The following ROCK2 variants were observed in gnomAD, a reference collection of about 807,000 sequenced individuals.
ROCK2 encodes the protein rho-associated protein kinase 2.
ROCK2 carries 61 observed loss-of-function variants against 195.1 expected under a neutral mutation model. The ratio of observed to expected loss-of-function variants is 0.31; its 90% CI spans 0.25 to 0.39. The LOEUF (loss-of-function observed/expected upper bound fraction) is 0.39, where lower values mean the gene tolerates loss of function less well. ROCK2 is among the 10% of genes least tolerant of loss of function. The probability of loss-of-function intolerance (pLI) is 1.00; values close to 1 mark genes in which losing one functional copy is unlikely to be tolerated. For missense variants in ROCK2, 1,109 were observed against 1,637.4 expected (o/e 0.68, Z 5.57); for synonymous variants, 504 against 545.5 (o/e 0.92, Z 1.06).
At chr2:11,294,025 C>T (rs1667437217) in intron 1 of ROCK2, among the ~76,000 whole-genome samples, 1 of 151,946 alleles carries the variant, frequency 6.6e-6, no homozygotes, top group South Asian at 2.1e-4. Flanking sequence ...GGCATGGTGG[C>T]GGGCGCCTGT....
chr2:11,317,612 A>ATATATATTTTTTTTTT (rs59701503), intron 1 of ROCK2, among the ~76,000 whole-genome samples: 1 of 19,310 alleles, frequency 5.2e-5, no homozygotes, highest in Non-Finnish European at 1.0e-4. Flanking sequence ...ATATATATAT[A>ATATATATTTTTTTTTT]TTTTTTTTTT....
chr2:11,283,753 C>A (rs1172454710), intron 3 of ROCK2, among the ~76,000 whole-genome samples: 1 of 152,154 alleles, frequency 6.6e-6, no homozygotes, highest in East Asian at 1.9e-4. Context: ...ATAACAGCGA[C>A]AAGACCAAAT....
chr2:11,302,235 T>C (rs1314478757), intron 1 of ROCK2, among the ~76,000 whole-genome samples: 1 of 152,246 alleles, frequency 6.6e-6, no homozygotes, highest in Non-Finnish European at 1.5e-5. Flanking sequence ...ATTCTACTGC[T>C]GAGTAATCTT....
At chr2:11,251,634 G>C (rs1665833522) in intron 3 of ROCK2, among the ~76,000 whole-genome samples, 1 of 152,098 alleles carries the variant, frequency 6.6e-6, no homozygotes, top group African/African-American at 2.4e-5. Flanking sequence ...ACACCAAAAG[G>C]AATGGCAACA....
intron 1 of ROCK2, among the ~76,000 whole-genome samples, chr2:11,310,418 A>T (rs1667995612): frequency 6.6e-6 from 1 of 152,222 alleles, no homozygotes; most frequent in Non-Finnish European, 1.5e-5. Flanking sequence ...ATGGCTTAGA[A>T]TTGATGAAAG....
intron 20 of ROCK2, among the ~76,000 whole-genome samples, chr2:11,205,952 T>C (rs569632263): frequency 6.6e-6 from 1 of 152,050 alleles, no homozygotes; most frequent in East Asian, 1.9e-4. Flanking sequence ...CTACTAAAAA[T>C]ACAAAAATAA....
At position 11,219,046 on chromosome 2, in the gene ROCK2, A is replaced by G; in HGVS notation, c.1260-20T>C. 1 of 1,361,382 alleles carries G rather than the reference A, an allele frequency of 7.3e-7. No individual in the cohort carries two copies. 84.3% of individuals were successfully genotyped at this position (1,361,382 alleles called of 1,614,324 possible). On this transcript the variant is annotated intron_variant, in intron 9 of 32. Transcript: ENST00000315872. ...AATAATCTACATGGAAGGGGGGAGAAAATAAATTTTTTCATTTCATTTTAA... is the reference window on the plus strand; with the variant it reads ...AATAATCTACATGGAAGGGGGGAGAGAATAAATTTTTTCATTTCATTTTAA...
chr2:11,215,485 G>A (rs775264420), intron 14 of ROCK2, 25 bp downstream of exon 14: 10 of 1,608,096 alleles, frequency 6.2e-6, no homozygotes, highest in South Asian at 4.5e-5. Flanking sequence ...TTCTTGATGA[G>A]TAATTAATAT....
At chr2:11,217,504 AT>A (rs1664475118) in intron 11 of ROCK2, among the ~76,000 whole-genome samples, 1 of 152,218 alleles carries the variant, frequency 6.6e-6, no homozygotes, top group African/African-American at 2.4e-5. Flanking sequence ...TTTTCTATGA[AT>A]TATTTGCTTG....
chr2:11,207,693 T>C (rs780572236), intron 20 of ROCK2, 33 bp downstream of exon 20: 9 of 1,515,746 alleles, frequency 5.9e-6, no homozygotes, highest in Non-Finnish European at 8.1e-6. Flanking sequence ...TGGATAATTA[T>C]GCATATTAAA....
intron 1 of ROCK2, among the ~76,000 whole-genome samples, chr2:11,333,980 A>G (rs1398788598): frequency 1.3e-5 from 2 of 152,214 alleles, no homozygotes; most frequent in Non-Finnish European, 2.9e-5. Flanking sequence ...TTCCAAGACA[A>G]ACTGTTTCAC....
At chr2:11,331,230 CA>C (rs1373805426) in intron 1 of ROCK2, among the ~76,000 whole-genome samples, 1 of 152,124 alleles carries the variant, frequency 6.6e-6, no homozygotes, top group Non-Finnish European at 1.5e-5. Flanking sequence ...AGAGGATTCA[CA>C]CCTAAATACA....
chr2:11,336,247 A>C (rs1668924898), intron 1 of ROCK2, among the ~76,000 whole-genome samples: 1 of 152,156 alleles, frequency 6.6e-6, no homozygotes, highest in Non-Finnish European at 1.5e-5. Flanking sequence ...GATAAAACTA[A>C]AAAGAAATGA....
chr2:11,273,172 A>T (rs1288262624), intron 3 of ROCK2, among the ~76,000 whole-genome samples: 6 of 150,250 alleles, frequency 4.0e-5, no homozygotes. Flanking sequence ...TCTTCTTCCC[A>T]GTAATGACAT....
At chr2:11,244,331 C>T (rs889024528) in intron 4 of ROCK2, among the ~76,000 whole-genome samples, 1 of 152,132 alleles carries the variant, frequency 6.6e-6, no homozygotes, top group African/African-American at 2.4e-5. Flanking sequence ...TTTGCAATTC[C>T]TGGCATAAAT....
intron 5 of ROCK2, among the ~76,000 whole-genome samples, chr2:11,233,745 T>C (rs941943844): frequency 2.0e-5 from 3 of 152,196 alleles, no homozygotes; most frequent in South Asian, 4.1e-4. Flanking sequence ...TATATCAAGA[T>C]ACTGTTTATA....
At chr2:11,259,640 A>G (rs548793814) in intron 3 of ROCK2, among the ~76,000 whole-genome samples, 1 of 113,848 alleles carries the variant, frequency 8.8e-6, no homozygotes, top group South Asian at 3.4e-4. Context: ...ATATATTTTT[A>G]AATTGTGTAA....
intron 1 of ROCK2, among the ~76,000 whole-genome samples, chr2:11,298,820 A>G (rs1667617359): frequency 6.6e-6 from 1 of 152,202 alleles, no homozygotes; most frequent in South Asian, 2.1e-4. Context: ...AGAAGAGGAG[A>G]GCTGCCCTGC....
intron 20 of ROCK2, among the ~76,000 whole-genome samples, chr2:11,202,954 G>A (rs948245411): frequency 3.3e-5 from 5 of 152,116 alleles, no homozygotes; most frequent in Non-Finnish European, 5.9e-5. Flanking sequence ...ATCTCAGTGG[G>A]GAGTGCAGAA....
Sources: gnomAD v4.1 joint callset for allele counts (sites outside exome capture counted in the v4.1 genomes callset) on GRCh38, gnomAD v4.1.1 for gene constraint, MANE v1.5 for transcripts, NCBI Gene and HGNC (gene_info 2026-07-23, HGNC 2026-07-21) for gene names.